The following CEP131 variants were observed in gnomAD, a reference collection of about 807,000 sequenced individuals.
The protein encoded by CEP131 is centrosomal protein 131, also known as centrosomal protein of 131 kDa.
A neutral mutation model predicts 136.8 loss-of-function variants in CEP131; 99 were observed. The ratio of observed to expected loss-of-function variants is 0.72; its 90% CI spans 0.62 to 0.86. CEP131 has a LOEUF of 0.86. Among genes scored for constraint, CEP131 ranks in the 40% least tolerant of loss-of-function variants. CEP131 has a pLI of 0.00. For missense variants in CEP131, 1,459 were observed against 1,463.0 expected, an observed-to-expected ratio of 1.00 and a Z score of 0.04; for synonymous variants, 646 against 612.7, an observed-to-expected ratio of 1.05 and a Z score of -0.80.
At chr17:81,207,467 TCA>T (rs1427394806) in intron 3 of CEP131, among the ~76,000 whole-genome samples, 4 of 150,808 alleles carry the variant, frequency 2.7e-5, no homozygotes, top group Non-Finnish European at 4.4e-5. Context: ...GTCACACCGA[TCA>T]CAGTTTCTGG....
At position 81,219,090 on chromosome 17, in the gene CEP131, G is replaced by T. The variant is rs1412587511; in HGVS notation, c.177+790C>A. Among the ~76,000 whole-genome samples, 1 of 152,022 alleles carries T rather than the reference G, an allele frequency of 6.6e-6. No individual in the cohort carries two copies. The highest frequency in any genetic ancestry group is 2.4e-5 in the African/African-American group (1 of 41,380). Reference sequence around the variant, plus strand: ...TGGGCCTGGCAGACACCAACTCAGGGTGCAGCAGGCCCGGCCTGCCTTTCA... The same window carrying T: ...TGGGCCTGGCAGACACCAACTCAGGTTGCAGCAGGCCCGGCCTGCCTTTCA... On this transcript the variant is annotated intron_variant, in intron 2 of 25. Coordinates refer to ENST00000450824, the MANE Select transcript of CEP131 (RefSeq NM_014984.4). This position sits in a 1 kb window ranked among gnomAD's most constrained non-coding sequence, Gnocchi z 4.0.
At chr17:81,198,023 T>A in intron 12 of CEP131, 92 bp downstream of exon 12, 23 of 1,480,614 alleles carry the variant, frequency 1.6e-5, no homozygotes, top group Non-Finnish European at 2.0e-5. Context: ...GCCTGTGGCA[T>A]CCCCATTTTC....
chr17:81,222,296 GCTGACCCTGACC>G (rs5822394), intron 1 of CEP131, among the ~76,000 whole-genome samples: 7 of 151,214 alleles, frequency 4.6e-5, no homozygotes, highest in South Asian at 4.2e-4. Flanking sequence ...CCCAGGGTGG[GCTGACCCTGACC>G]CTGACCCTGA....
chr17:81,197,352 G>T lies in CEP131; in HGVS notation c.1648-297C>A, dbSNP rs943107937. The T allele has an allele frequency of 7.4e-6, 4 of 538,428 alleles. No individual in the cohort carries two copies. In the Admixed American group the frequency reaches 1.4e-4, roughly 19 times the overall value. 33.4% of individuals were successfully genotyped at this position (538,428 alleles called of 1,614,324 possible). On this transcript the variant is annotated intron_variant, in intron 13 of 25. Transcript: ENST00000450824. ...TCACGTCACTGCTCCATTTAGCCTG[G>T]CCGCTAGTGTTCACCCAGGACAAAC...
At chr17:81,194,587 CT>C (rs1181483197) in intron 17 of CEP131, among the ~76,000 whole-genome samples, 2 of 152,360 alleles carry the variant, frequency 1.3e-5, no homozygotes, top group East Asian at 3.9e-4. Context: ...CCAATCTCCC[CT>C]AGCCCAACCC....
intron 13 of CEP131, 121 bp from the exon 14 acceptor site, chr17:81,197,176 C>G (rs538982838): frequency 3.6e-6 from 5 of 1,402,254 alleles, no homozygotes; most frequent in African/African-American, 2.9e-5. Context: ...CACGGGAGCC[C>G]GTGGGAAGCC....
chr17:81,193,753 C>G (rs528065051), intron 18 of CEP131, among the ~76,000 whole-genome samples, 173 bp downstream of exon 18: 1 of 152,194 alleles, frequency 6.6e-6, no homozygotes, highest in Non-Finnish European at 1.5e-5. Flanking sequence ...GACACTGGCC[C>G]GGCTGAGGCT....
chr17:81,189,803 T>A lies in CEP131; in HGVS notation c.3209A>T (p.Glu1070Val). The change falls in exon 26 of 26, where the codon GAG becomes GTG. Residue 1070 changes from glutamate to valine, a missense_variant. Physicochemically the swap from Glu to Val is moderately radical, Grantham distance 121. Coordinates refer to ENST00000450824, the MANE Select transcript of CEP131 (RefSeq NM_014984.4). ...ACTTGGCGTGGGCCTCCTGTGCTGC[T>A]CCAGCAGCTCCTCCAGGTGGTCGGC... Reference protein sequence around the residue: ...KRADHLEELLEQHRRPTPSTK With the variant: ...KRADHLEELLVQHRRPTPSTK 6.2e-7 allele frequency: 1 copy of A among 1,610,964 alleles called. No homozygotes were observed. The highest frequency in any genetic ancestry group is 8.5e-7 in the Non-Finnish European group (1 of 1,178,992).
intron 3 of CEP131, among the ~76,000 whole-genome samples, chr17:81,207,700 C>T (rs2062038193): frequency 6.6e-6 from 1 of 151,614 alleles, no homozygotes; most frequent in South Asian, 2.1e-4. Context: ...CACCCTCTTC[C>T]CTGTGAACCA....
In CEP131 at chr17:81,215,447, T is replaced by C. The variant is rs2062225527; in HGVS notation, c.177+4433A>G. Among the ~76,000 whole-genome samples, 1 of 152,106 alleles carries C rather than the reference T, an allele frequency of 6.6e-6. No homozygotes were observed. Among genetic ancestry groups the C allele is most frequent in the Non-Finnish European group, 1.5e-5 (1 of 68,016 alleles). On this transcript the variant is annotated intron_variant, in intron 2 of 25. Transcript: ENST00000450824. This position sits in a 1 kb window ranked among gnomAD's most constrained non-coding sequence, Gnocchi z 4.1. The stretch of plus-strand genomic sequence containing the variant: ...AATTTTTTTTGAAATGGAGTCTCGC[T>C]GTCACCCAGGCTAGAGTGTGGTGGT...
intron 2 of CEP131, among the ~76,000 whole-genome samples, chr17:81,217,095 G>A (rs1158221241): frequency 1.3e-5 from 2 of 152,192 alleles, no homozygotes. Context: ...GTTCCCCAGT[G>A]AGCTTGTGCT....
At position 81,207,142 on chromosome 17, in the gene CEP131, C is replaced by G; in HGVS notation, c.370G>C (p.Ala124Pro). Residue 124 changes from alanine to proline, a missense_variant, in exon 4 of 26, where the codon GCC becomes CCC. Ala to Pro is a conservative substitution (Grantham distance 27). Around this residue, in one of 3 missense-constraint regions of CEP131, gnomAD observed 187 missense variants for 179.9 expected, o/e 1.04. Coordinates refer to ENST00000450824, the MANE Select transcript of CEP131 (RefSeq NM_014984.4). The part of the protein sequence containing the change: ...SLSTAPSEKG[A>P]TWNVLDDQPR... ...CACCTTACCAGGACGTTCCAGGTGG[C>G]TCCCTTCTCGCTGGGGGCTGTGCTC... is the stretch of plus-strand genomic sequence containing the variant. The G allele has an allele frequency of 1.9e-6, 3 of 1,612,946 alleles. No individual in the cohort carries two copies. Among genetic ancestry groups the G allele is most frequent in the Non-Finnish European group, 2.5e-6 (3 of 1,179,744 alleles).
At chr17:81,195,151 T>G (rs990811747) in intron 16 of CEP131, among the ~76,000 whole-genome samples, 179 bp from the exon 17 acceptor site, 3 of 151,548 alleles carry the variant, frequency 2.0e-5, no homozygotes, top group Non-Finnish European at 4.4e-5. Flanking sequence ...GGGGCCAGGC[T>G]GGAGGCCCAG....
chr17:81,219,597 C>A lies in CEP131; in HGVS notation c.177+283G>T, dbSNP rs2062338754. ...ACAGGCGTGAGCCACCGAGCCCAGC[C>A]AACCCCATTTCCTGAGGATTCAAAC... On this transcript the variant is annotated intron_variant, in intron 2 of 25. Transcript: ENST00000450824. This position sits in a 1 kb window ranked among gnomAD's most constrained non-coding sequence, Gnocchi z 4.0. Among the ~76,000 whole-genome samples, 1 of 152,160 alleles carries A rather than the reference C, an allele frequency of 6.6e-6. No homozygotes were observed. Among genetic ancestry groups the A allele is most frequent in the African/African-American group, 2.4e-5 (1 of 41,434 alleles).
Position 81,192,726 on chromosome 17 carries a change from C to A in CEP131, c.2429+10G>T. 1 of 1,547,860 alleles carries A rather than the reference C, an allele frequency of 6.5e-7. No individual in the cohort carries two copies. On this transcript the variant is annotated intron_variant, in intron 19 of 25. Coordinates refer to ENST00000450824, the MANE Select transcript of CEP131 (RefSeq NM_014984.4). ...TCCCTGGGAGAGGGCGTGGTGCCCC[C>A]GGGCGGCACCTGGCTGCCTGCTGGC...
intron 2 of CEP131, among the ~76,000 whole-genome samples, chr17:81,209,227 G>C (rs137858327): frequency 6.6e-6 from 1 of 152,132 alleles, no homozygotes; most frequent in Non-Finnish European, 1.5e-5. Context: ...GCTCAGGCCC[G>C]ACCTCTAAGA....
chr17:81,210,555 C>T (rs139238285), intron 2 of CEP131, among the ~76,000 whole-genome samples: 1,705 of 151,818 alleles, frequency 0.011, 38 homozygotes, highest in African/African-American at 0.039. Flanking sequence ...GGAGACAGAG[C>T]GAGACTCCGT....
At chr17:81,206,650 C>T in intron 5 of CEP131, 94 bp downstream of exon 5, 2 of 1,473,492 alleles carry the variant, frequency 1.4e-6, no homozygotes, top group Non-Finnish European at 9.1e-7. Context: ...TCCAAAGCAC[C>T]CTGAACGAGC....
rs145850103 is a variant in CEP131, at chr17:81,209,000, G to A, written c.200C>T (p.Ser67Phe). 4.4e-4 allele frequency: 709 copies of A among 1,613,836 alleles called. 5 individuals are homozygous for A. Among genetic ancestry groups the A allele is most frequent in the Non-Finnish European group, 1.7e-4 (201 of 1,179,848 alleles). The stretch of plus-strand genomic sequence containing the variant: ...TCTTCTAAGGTTGTTGATGGCCTGG[G>A]AGCCCCCAGGCCCTGTGGCCTCCTG... ...KVLEATGPGG[S>F]QAINNLRRSN... is the part of the protein sequence containing the mutation. Residue 67 changes from serine to phenylalanine, a missense_variant, in exon 3 of 26, where the codon TCC (serine) becomes TTC (phenylalanine). Ser to Phe is a radical substitution (Grantham distance 155, BLOSUM62 -2). Coordinates refer to ENST00000450824, the MANE Select transcript of CEP131 (RefSeq NM_014984.4). This position sits in a 1 kb window ranked among gnomAD's most constrained non-coding sequence, Gnocchi z 5.6.
Sources: gnomAD v4.1 joint callset for allele counts (sites outside exome capture counted in the v4.1 genomes callset) on GRCh38, gnomAD v4.1.1 for gene constraint, gnomAD v4.1.1 regional missense constraint, Gnocchi (gnomAD v3.1) non-coding constraint, MANE v1.5 for transcripts, NCBI Gene and HGNC (gene_info 2026-07-23, HGNC 2026-07-21) for gene names.